Variants in PACRG observed in about 807,000 individuals in gnomAD.
The protein encoded by PACRG is parkin coregulated gene protein.
PACRG carries 29 observed loss-of-function variants against 29.7 expected under a neutral mutation model. The ratio of observed to expected loss-of-function variants is 0.98; its 90% CI spans 0.73 to 1.33. PACRG has a LOEUF of 1.33. Among genes scored for constraint, PACRG ranks in the 40% most tolerant of loss-of-function variants. The pLI is 0.00. For synonymous variants in PACRG, 116 were observed against 118.7 expected (o/e 0.98, Z 0.15); for missense variants, 279 against 316.2 (o/e 0.88, Z 0.89).
At chr6:163,170,098 A>G (rs1030678628) in intron 4 of PACRG, among the ~76,000 whole-genome samples, 5 of 152,188 alleles carry the variant, frequency 3.3e-5, no homozygotes, top group Non-Finnish European at 5.9e-5. Context: ...AGGAGCTGGA[A>G]GTCAGGGCTT....
chr6:162,887,257 G>A (rs1794414608), intron 2 of PACRG, among the ~76,000 whole-genome samples: 1 of 152,148 alleles, frequency 6.6e-6, no homozygotes, highest in South Asian at 2.1e-4. Context: ...ATGGCCCCCA[G>A]TTATGTTTGA....
chr6:162,959,496 G>C (rs748249448), intron 2 of PACRG, among the ~76,000 whole-genome samples: 1 of 152,090 alleles, frequency 6.6e-6, no homozygotes, highest in Non-Finnish European at 1.5e-5. Context: ...GTCACTGCTG[G>C]GGCAATGGCC....
At chr6:162,792,620 C>G (rs1415906143) in intron 1 of PACRG, among the ~76,000 whole-genome samples, 1 of 152,178 alleles carries the variant, frequency 6.6e-6, no homozygotes, top group African/African-American at 2.4e-5. Context: ...CACTTCGTCT[C>G]TAGTCCCAGT....
intron 2 of PACRG, among the ~76,000 whole-genome samples, chr6:162,895,488 A>G (rs190744089): frequency 6.6e-6 from 1 of 152,178 alleles, no homozygotes; most frequent in Non-Finnish European, 1.5e-5. Context: ...CTTAATCTTT[A>G]CTTTGTATCA....
intron 2 of PACRG, among the ~76,000 whole-genome samples, chr6:162,939,871 A>G (rs1293158521): frequency 6.6e-6 from 1 of 152,192 alleles, no homozygotes; most frequent in African/African-American, 2.4e-5. Context: ...GCCTGCTGTC[A>G]GTCTTTTTCT....
intron 4 of PACRG, among the ~76,000 whole-genome samples, chr6:163,139,445 A>C (rs1243385212): frequency 1.3e-5 from 2 of 152,204 alleles, no homozygotes; most frequent in Non-Finnish European, 2.9e-5. Context: ...CCATGGGTCA[A>C]CCTGTGTGAT....
At position 163,176,411 on chromosome 6, in the gene PACRG, A is replaced by C. The variant is rs983070541; in HGVS notation, c.613+87003A>C. 4.6e-5 allele frequency among the ~76,000 whole-genome samples: 7 copies of C among 152,250 alleles called. No individual in the cohort carries two copies. The South Asian group carries it at 6.2e-4, about 14-fold the overall frequency. On this transcript the variant is annotated intron_variant, in intron 4 of 4. Transcript: ENST00000366888. ...AAGGAAGAAACAACCAGACAGAAGG[A>C]AAATGCTCACCACACAGGCAGTAAA...
At chr6:163,211,899 G>A (rs970217737) in intron 4 of PACRG, among the ~76,000 whole-genome samples, 1 of 152,208 alleles carries the variant, frequency 6.6e-6, no homozygotes, top group Non-Finnish European at 1.5e-5. Context: ...AGCACGTGCA[G>A]TCAGCGTCTA....
At chr6:163,164,803 C>T (rs975052283) in intron 4 of PACRG, among the ~76,000 whole-genome samples, 1 of 152,144 alleles carries the variant, frequency 6.6e-6, no homozygotes, top group South Asian at 2.1e-4. Context: ...CAGTTAGTAG[C>T]GTTAGCTGAG....
intron 4 of PACRG, among the ~76,000 whole-genome samples, chr6:163,132,551 G>A (rs1262084529): frequency 1.3e-5 from 2 of 152,098 alleles, no homozygotes; most frequent in Non-Finnish European, 2.9e-5. Context: ...ATACAGCCTA[G>A]TCATAGCCCA....
intron 2 of PACRG, among the ~76,000 whole-genome samples, chr6:162,974,778 A>G (rs935785927): frequency 1.3e-5 from 2 of 152,206 alleles, no homozygotes; most frequent in Non-Finnish European, 2.9e-5. Context: ...TCCACGTTAC[A>G]GATGATAAAA....
intron 1 of PACRG, among the ~76,000 whole-genome samples, chr6:162,743,299 A>G (rs1780740899): frequency 6.6e-6 from 1 of 152,198 alleles, no homozygotes; most frequent in South Asian, 2.1e-4. Context: ...ATTGTAAAAG[A>G]GAAAAATTCT....
intron 2 of PACRG, among the ~76,000 whole-genome samples, chr6:162,822,293 G>A (rs1787909465): frequency 6.6e-6 from 1 of 152,210 alleles, no homozygotes; most frequent in Admixed American, 6.5e-5. Context: ...TAGCAGGGAT[G>A]CACATACATG....
chr6:162,928,616 AG>A (rs1363947924), intron 2 of PACRG, among the ~76,000 whole-genome samples: 2 of 151,988 alleles, frequency 1.3e-5, no homozygotes, highest in Non-Finnish European at 2.9e-5. Flanking sequence ...TATGCTAGAA[AG>A]ATTTGAATTA....
At chr6:162,825,072 T>C (rs1788162895) in intron 2 of PACRG, among the ~76,000 whole-genome samples, 1 of 152,200 alleles carries the variant, frequency 6.6e-6, no homozygotes, top group Admixed American at 6.5e-5. Context: ...TTTCAGTTTT[T>C]TTAATTGCCA....
chr6:162,936,190 G>A (rs1446829108), intron 2 of PACRG, among the ~76,000 whole-genome samples: 2 of 152,142 alleles, frequency 1.3e-5, no homozygotes, highest in African/African-American at 4.8e-5. Context: ...AAAACAGTAT[G>A]AGGGAAACCA....
intron 4 of PACRG, among the ~76,000 whole-genome samples, chr6:163,117,947 A>G (rs1424059412): frequency 2.0e-5 from 3 of 152,130 alleles, no homozygotes; most frequent in Non-Finnish European, 2.9e-5. Context: ...TCTTAAAATT[A>G]GGTTGAGGTT....
At chr6:162,779,388 G>C (rs770914000) in intron 1 of PACRG, among the ~76,000 whole-genome samples, 3 of 152,168 alleles carry the variant, frequency 2.0e-5, no homozygotes, top group Non-Finnish European at 4.4e-5. Context: ...ACAGTGCTGG[G>C]TTGACCTGGT....
At position 163,003,937 on chromosome 6, in the gene PACRG, G is replaced by A. The variant is rs547397096; in HGVS notation, c.292-58213G>A. 9.9e-5 allele frequency among the ~76,000 whole-genome samples: 15 copies of A among 152,212 alleles called. No homozygotes were observed. The South Asian group carries it at 2.3e-3, about 23-fold the overall frequency. On this transcript the variant is annotated intron_variant, in intron 2 of 4. Coordinates refer to ENST00000366888, the MANE Select transcript of PACRG (RefSeq NM_001080379.2). ...AGATTCAAATTAGATCCACTTGATC[G>A]CACTATGCATGCTCTTTCCACTTGG... is the stretch of plus-strand genomic sequence containing the variant.
Sources: gnomAD v4.1 joint callset for allele counts (sites outside exome capture counted in the v4.1 genomes callset) on GRCh38, gnomAD v4.1.1 for gene constraint, MANE v1.5 for transcripts, NCBI Gene and HGNC (gene_info 2026-07-23, HGNC 2026-07-21) for gene names.